The following PALLD variants were observed in gnomAD, a reference collection of about 807,000 sequenced individuals.
The protein encoded by PALLD is palladin.
PALLD carries 61 observed loss-of-function variants against 123.5 expected under a neutral mutation model. The observed-to-expected ratio is 0.49, with a 90% CI of 0.40 to 0.61. PALLD has a LOEUF of 0.61. Among genes scored for constraint, PALLD ranks in the 20% least tolerant of loss-of-function variants. The probability of loss-of-function intolerance (pLI) is 0.00; values close to 1 mark genes in which losing one functional copy is unlikely to be tolerated. For missense variants in PALLD, 1,273 were observed against 1,377.0 expected, an observed-to-expected ratio of 0.92 and a Z score of 1.20; for synonymous variants, 465 against 496.4, an observed-to-expected ratio of 0.94 and a Z score of 0.84.
chr4:168,832,290 G>T (rs1242979449), intron 10 of PALLD: 1 of 686,082 alleles, frequency 1.5e-6, no homozygotes, highest in Non-Finnish European at 1.8e-6. Context: ...TGGGGGCGGG[G>T]AGGACAAGAG....
intron 10 of PALLD, among the ~76,000 whole-genome samples, chr4:168,850,937 C>G (rs984929679): frequency 6.6e-5 from 10 of 152,150 alleles, no homozygotes; most frequent in African/African-American, 2.4e-4. Flanking sequence ...TCTGCGAACC[C>G]TAGCTCAGTA....
chr4:168,521,485 TGTA>T (rs1763558869), intron 2 of PALLD, among the ~76,000 whole-genome samples: 1 of 152,206 alleles, frequency 6.6e-6, no homozygotes, highest in African/African-American at 2.4e-5. Flanking sequence ...GTTAGCACAT[TGTA>T]GTGTCTTAAT....
At chr4:168,682,754 A>G (rs1781668692) in intron 4 of PALLD, among the ~76,000 whole-genome samples, 1 of 152,066 alleles carries the variant, frequency 6.6e-6, no homozygotes, top group Admixed American at 6.6e-5. Flanking sequence ...TCATGTTTTG[A>G]TTTTGCTTAA....
In PALLD at chr4:168,738,588, G is replaced by A. The variant is rs577022920; in HGVS notation, c.1964+26665G>A. ...TGGGATTATAGGCGTGTACTACCATGCCCGGCTAAGTTTTGTATTTTTAGT... is the reference window on the plus strand; with the variant it reads ...TGGGATTATAGGCGTGTACTACCATACCCGGCTAAGTTTTGTATTTTTAGT... On this transcript the variant is annotated intron_variant, in intron 10 of 21. Coordinates refer to ENST00000505667, the MANE Select transcript of PALLD (RefSeq NM_001166108.2). Among the ~76,000 whole-genome samples, 377 of 129,150 alleles carry A rather than the reference G, an allele frequency of 2.9e-3. 2 individuals are homozygous for A. The highest frequency in any genetic ancestry group is 0.011 in the African/African-American group (356 of 33,830). 84.7% of individuals were successfully genotyped at this position (129,150 alleles called of 152,430 possible). A position where few individuals can be genotyped will look rare whatever the true frequency, so the allele number is the denominator to read the frequency against.
At chr4:168,865,038 A>G in intron 10 of PALLD, among the ~76,000 whole-genome samples, 1 of 152,190 alleles carries the variant, frequency 6.6e-6, no homozygotes, top group East Asian at 1.9e-4. Flanking sequence ...GGTTTTAGTC[A>G]TTTCTCAGGG....
intron 10 of PALLD, among the ~76,000 whole-genome samples, chr4:168,726,462 A>T (rs13137835): frequency 0.011 from 1,744 of 152,068 alleles, 23 homozygotes; most frequent in Middle Eastern, 0.041. Flanking sequence ...CTCTTCTTTA[A>T]GGTGTTGTAC....
At chr4:168,720,607 C>T (rs1447588602) in intron 10 of PALLD, among the ~76,000 whole-genome samples, 2 of 152,136 alleles carry the variant, frequency 1.3e-5, no homozygotes, top group Admixed American at 6.5e-5. Context: ...CGTGGCTATG[C>T]GGGTATGAAC....
chr4:168,585,472 C>A (rs4571294), intron 2 of PALLD, among the ~76,000 whole-genome samples: 1 of 152,016 alleles, frequency 6.6e-6, no homozygotes, highest in Non-Finnish European at 1.5e-5. Context: ...CTCCTCCCAC[C>A]TCTCTCTACT....
At chr4:168,633,480 A>G (rs530166719) in intron 2 of PALLD, among the ~76,000 whole-genome samples, 57 of 152,344 alleles carry the variant, frequency 3.7e-4, no homozygotes, top group Non-Finnish European at 7.8e-4. Flanking sequence ...ATGAGTGTCT[A>G]TAGCTACTAT....
chr4:168,533,026 A>G (rs1764747589), intron 2 of PALLD, among the ~76,000 whole-genome samples: 1 of 152,214 alleles, frequency 6.6e-6, no homozygotes, highest in Non-Finnish European at 1.5e-5. Flanking sequence ...GAATCAGACT[A>G]ACACCTGATA....
intron 7 of PALLD, among the ~76,000 whole-genome samples, 168 bp downstream of exon 7, chr4:168,690,912 C>T (rs1307084932): frequency 6.6e-6 from 1 of 152,108 alleles, no homozygotes; most frequent in African/African-American, 2.4e-5. Context: ...ACTATGACCC[C>T]CTTGACACTC....
At chr4:168,589,262 G>A (rs771051630) in intron 2 of PALLD, among the ~76,000 whole-genome samples, 3 of 152,132 alleles carry the variant, frequency 2.0e-5, no homozygotes, top group African/African-American at 7.2e-5. Flanking sequence ...ACTGCAGGCC[G>A]GGTGCTTGTC....
chr4:168,504,064 T>C (rs1053180293), intron 1 of PALLD, among the ~76,000 whole-genome samples: 1 of 152,210 alleles, frequency 6.6e-6, no homozygotes, highest in African/African-American at 2.4e-5. Context: ...GTCTAATCCC[T>C]CCTACTGGAT....
intron 6 of PALLD, among the ~76,000 whole-genome samples, chr4:168,688,620 T>C (rs1459091267): frequency 1.3e-5 from 2 of 152,196 alleles, no homozygotes; most frequent in Non-Finnish European, 2.9e-5. Flanking sequence ...TTCCCGAAGG[T>C]TCTCCTAATG....
chr4:168,667,900 CTGAG>C (rs1209412631), intron 2 of PALLD, among the ~76,000 whole-genome samples: 2 of 151,324 alleles, frequency 1.3e-5, no homozygotes, highest in Non-Finnish European at 2.9e-5. Context: ...TTATAAGACA[CTGAG>C]TTTCTGTTCC....
At chr4:168,838,468 AGTGCGGGGCCGGGG>A (rs1292579896) in intron 10 of PALLD, among the ~76,000 whole-genome samples, 1 of 150,878 alleles carries the variant, frequency 6.6e-6, no homozygotes, top group Non-Finnish European at 1.5e-5. Context: ...TCGGGGAGGG[AGTGCGGGGCCGGGG>A]GTGCAGTTTG....
intron 2 of PALLD, among the ~76,000 whole-genome samples, chr4:168,522,392 AT>A (rs1408862863): frequency 2.6e-5 from 4 of 152,230 alleles, no homozygotes; most frequent in Non-Finnish European, 5.9e-5. Context: ...CGGAAGTTTA[AT>A]TTATTAGTAT....
intron 10 of PALLD, among the ~76,000 whole-genome samples, chr4:168,863,029 C>T (rs1749725890): frequency 6.6e-6 from 1 of 152,210 alleles, no homozygotes; most frequent in South Asian, 2.1e-4. Flanking sequence ...TGGGGCCAGC[C>T]TCTTCCGATA....
intron 2 of PALLD, among the ~76,000 whole-genome samples, chr4:168,567,952 T>TA (rs1768581775): frequency 6.6e-6 from 1 of 152,024 alleles, no homozygotes; most frequent in Non-Finnish European, 1.5e-5. Context: ...TAAAGTTTTT[T>TA]AAAAAAGAAG....
Sources: gnomAD v4.1 joint callset for allele counts (sites outside exome capture counted in the v4.1 genomes callset) on GRCh38, gnomAD v4.1.1 for gene constraint, MANE v1.5 for transcripts, NCBI Gene and HGNC (gene_info 2026-07-23, HGNC 2026-07-21) for gene names.